Variants in PDE4B observed in about 807,000 individuals in gnomAD.
PDE4B encodes the protein phosphodiesterase 4B.
In PDE4B, 20 loss-of-function variants were observed where a neutral mutation model predicts 82.2. The observed-to-expected ratio is 0.24, with a 90% CI of 0.17 to 0.35. PDE4B has a LOEUF of 0.35. PDE4B is among the 10% of genes least tolerant of loss of function. The pLI, the probability that PDE4B is intolerant of heterozygous loss-of-function variation, is 1.00. For missense variants in PDE4B, 655 were observed against 907.2 expected (o/e 0.72, Z 3.57); for synonymous variants, 320 against 318.9 (o/e 1.00, Z -0.04).
At chr1:66,307,622 A>C (rs1340155523) in intron 7 of PDE4B, among the ~76,000 whole-genome samples, 1 of 152,162 alleles carries the variant, frequency 6.6e-6, no homozygotes, top group African/African-American at 2.4e-5. Context: ...CAGTAGAGAG[A>C]TGTAAACCCA....
chr1:66,143,415 C>T (rs1001739998), intron 3 of PDE4B, among the ~76,000 whole-genome samples: 2 of 152,114 alleles, frequency 1.3e-5, no homozygotes, highest in Admixed American at 6.6e-5. Context: ...GAATCCACTG[C>T]AACAATCTGA....
At chr1:66,138,425 AG>A (rs1322085489) in intron 3 of PDE4B, among the ~76,000 whole-genome samples, 2 of 152,188 alleles carry the variant, frequency 1.3e-5, no homozygotes, top group African/African-American at 4.8e-5. Context: ...AGGCTGAGGC[AG>A]GAGAATGGCT....
intron 3 of PDE4B, among the ~76,000 whole-genome samples, chr1:66,185,786 G>C (rs1033747662): frequency 6.6e-6 from 1 of 151,644 alleles, no homozygotes; most frequent in Non-Finnish European, 1.5e-5. Flanking sequence ...TCTGTAGGTT[G>C]CCTTTTCATT....
intron 3 of PDE4B, among the ~76,000 whole-genome samples, chr1:65,922,878 G>A (rs962730114): frequency 2.0e-5 from 3 of 152,082 alleles, no homozygotes; most frequent in Non-Finnish European, 4.4e-5. Flanking sequence ...TAACTTTAGG[G>A]GCACATTAGG....
At chr1:66,090,621 ATGTGTGTGTGTGTG>A (rs146947689) in intron 3 of PDE4B, among the ~76,000 whole-genome samples, 1 of 122,732 alleles carries the variant, frequency 8.1e-6, no homozygotes, top group African/African-American at 4.1e-5. Flanking sequence ...TATATAATAT[ATGTGTGTGTGTGTG>A]TGTGTATGTA....
intron 3 of PDE4B, among the ~76,000 whole-genome samples, chr1:66,170,100 T>C (rs982136379): frequency 1.3e-5 from 2 of 152,152 alleles, no homozygotes; most frequent in African/African-American, 4.8e-5. Flanking sequence ...GAAAATGAAC[T>C]AAGTCCCTAG....
intron 7 of PDE4B, among the ~76,000 whole-genome samples, chr1:66,278,850 TTG>T (rs369771725): frequency 7.1e-6 from 1 of 141,580 alleles, no homozygotes; most frequent in Non-Finnish European, 1.5e-5. Context: ...GTATGTGTGT[TTG>T]TGTGTGTGTG....
chr1:66,074,930 T>C (rs901708580), intron 3 of PDE4B, among the ~76,000 whole-genome samples: 3 of 152,036 alleles, frequency 2.0e-5, no homozygotes, highest in Non-Finnish European at 2.9e-5. Flanking sequence ...TCGTGAATAG[T>C]TGTGATGTAG....
At chr1:66,146,332 G>A (rs555960268) in intron 3 of PDE4B, among the ~76,000 whole-genome samples, 3 of 151,742 alleles carry the variant, frequency 2.0e-5, no homozygotes, top group East Asian at 3.9e-4. Context: ...TACAGGCGCC[G>A]GCCACCATGC....
intron 3 of PDE4B, among the ~76,000 whole-genome samples, chr1:66,141,327 AATATATATAT>A (rs71058454): frequency 6.0e-4 from 55 of 91,454 alleles, no homozygotes; most frequent in Middle Eastern, 9.5e-3. Context: ...AAGCTTTGAG[AATATATATAT>A]ATATATATAT....
At chr1:66,061,332 G>T (rs1369133120) in intron 3 of PDE4B, among the ~76,000 whole-genome samples, 1 of 151,236 alleles carries the variant, frequency 6.6e-6, no homozygotes, top group Non-Finnish European at 1.5e-5. Context: ...ACAGGAAAGT[G>T]GTTATCCAAA....
At chr1:66,240,784 A>AT (rs745678944) in intron 3 of PDE4B, among the ~76,000 whole-genome samples, 1 of 151,920 alleles carries the variant, frequency 6.6e-6, no homozygotes, top group Non-Finnish European at 1.5e-5. Context: ...GATAACCAAC[A>AT]TTTTTTCTAT....
chr1:66,008,518 A>G (rs1356513209), intron 3 of PDE4B, among the ~76,000 whole-genome samples: 3 of 152,040 alleles, frequency 2.0e-5, no homozygotes, highest in Non-Finnish European at 2.9e-5. Context: ...TCAGTTTTCC[A>G]TTCTATTAAA....
At chr1:66,367,593 G>A in intron 13 of PDE4B, 103 bp from the exon 14 acceptor site, 1 of 913,784 alleles carries the variant, frequency 1.1e-6, no homozygotes, top group South Asian at 1.8e-5. Context: ...GGTGGTTCTT[G>A]AAATAATTTG....
intron 4 of PDE4B, among the ~76,000 whole-genome samples, chr1:66,252,379 A>G (rs1333695985): frequency 6.6e-6 from 1 of 152,192 alleles, no homozygotes; most frequent in Non-Finnish European, 1.5e-5. Context: ...TTCAACTTAC[A>G]ATGTCCCAAA....
chr1:65,835,116 G>A (rs1320584625), intron 1 of PDE4B, among the ~76,000 whole-genome samples: 1 of 152,138 alleles, frequency 6.6e-6, no homozygotes, highest in African/African-American at 2.4e-5. Context: ...AGGACAAGCA[G>A]GAATTTTTAA....
intron 1 of PDE4B, among the ~76,000 whole-genome samples, chr1:65,858,622 C>G (rs1646420007): frequency 6.6e-6 from 1 of 152,164 alleles, no homozygotes; most frequent in Non-Finnish European, 1.5e-5. Flanking sequence ...CACATTTAGA[C>G]TTAATTTTAT....
At chr1:66,084,159 G>C (rs1656884715) in intron 3 of PDE4B, among the ~76,000 whole-genome samples, 1 of 152,046 alleles carries the variant, frequency 6.6e-6, no homozygotes, top group Non-Finnish European at 1.5e-5. Context: ...GTACATGTTG[G>C]GGTGAAAGAA....
chr1:65,860,861 G>C (rs1409566042), intron 1 of PDE4B, among the ~76,000 whole-genome samples: 2 of 152,126 alleles, frequency 1.3e-5, no homozygotes, highest in Non-Finnish European at 2.9e-5. Flanking sequence ...AGAAATGTCT[G>C]TTCATATCCT....
Sources: gnomAD v4.1 joint callset for allele counts (sites outside exome capture counted in the v4.1 genomes callset) on GRCh38, gnomAD v4.1.1 for gene constraint, MANE v1.5 for transcripts, NCBI Gene and HGNC (gene_info 2026-07-23, HGNC 2026-07-21) for gene names.